Variants in SLC24A2 observed in about 807,000 individuals in gnomAD.
SLC24A2 encodes solute carrier family 24 member 2.
SLC24A2 carries 36 observed loss-of-function variants against 62.0 expected under a neutral mutation model. The ratio of observed to expected loss-of-function variants is 0.58; its 90% CI spans 0.44 to 0.77. The LOEUF (loss-of-function observed/expected upper bound fraction) is 0.77. SLC24A2 is among the 30% of genes least tolerant of loss of function. The pLI is 0.00. For missense variants in SLC24A2, 846 were observed against 817.9 expected, an observed-to-expected ratio of 1.03 and a Z score of -0.42; for synonymous variants, 358 against 294.0, an observed-to-expected ratio of 1.22 and a Z score of -2.23.
chr9:20,073,098 G>A, the SLC24A2 span, among the ~76,000 whole-genome samples: 306 of 152,242 alleles, frequency 2.0e-3, 1 homozygote, highest in African/African-American at 6.7e-3. Context: ...TATTATCTCC[G>A]TTTTTGTAGG....
chr9:20,241,505 G>C, the SLC24A2 span, among the ~76,000 whole-genome samples: 1 of 152,158 alleles, frequency 6.6e-6, no homozygotes, highest in East Asian at 1.9e-4. Flanking sequence ...CAGACTATGA[G>C]AGTATTACTT....
chr9:19,814,648 A>G, the SLC24A2 span, among the ~76,000 whole-genome samples: 123,730 of 151,608 alleles, frequency 0.82, 51,700 homozygotes, highest in Non-Finnish European at 0.92. Context: ...ATGATGAACC[A>G]GTCTTTTTTG....
the SLC24A2 span, among the ~76,000 whole-genome samples, chr9:20,240,042 G>C: frequency 6.6e-6 from 1 of 152,076 alleles, no homozygotes; most frequent in Non-Finnish European, 1.5e-5. Flanking sequence ...TTTCAGGAGA[G>C]GTGAGAGAGA....
chr9:19,664,855 C>T (rs1160549762), intron 2 of SLC24A2, among the ~76,000 whole-genome samples: 1 of 152,136 alleles, frequency 6.6e-6, no homozygotes, highest in East Asian at 1.9e-4. Context: ...AGGAAGGGTC[C>T]CTAGAGCCTT....
the SLC24A2 span, among the ~76,000 whole-genome samples, chr9:19,997,298 A>G: frequency 6.6e-6 from 1 of 152,208 alleles, no homozygotes; most frequent in South Asian, 2.1e-4. Flanking sequence ...AGAGAAAGAG[A>G]GAAATTAGAA....
intron 2 of SLC24A2, among the ~76,000 whole-genome samples, chr9:19,629,443 G>C (rs1818121455): frequency 6.6e-6 from 1 of 152,152 alleles, no homozygotes; most frequent in Non-Finnish European, 1.5e-5. Context: ...CTAGTATCTG[G>C]GAGTAGAGAA....
the SLC24A2 span, among the ~76,000 whole-genome samples, chr9:20,024,688 G>A: frequency 2.0e-5 from 3 of 152,296 alleles, no homozygotes; most frequent in East Asian, 5.8e-4. Flanking sequence ...TCACTTGTGT[G>A]TGCGTGTCCA....
the SLC24A2 span, among the ~76,000 whole-genome samples, chr9:20,227,943 G>C: frequency 6.6e-6 from 1 of 152,086 alleles, no homozygotes; most frequent in South Asian, 2.1e-4. Flanking sequence ...TTTCAGTTTA[G>C]CTTCTTGGAG....
the SLC24A2 span, among the ~76,000 whole-genome samples, chr9:20,016,772 G>C: frequency 1.3e-5 from 2 of 151,982 alleles, no homozygotes; most frequent in African/African-American, 4.8e-5. Flanking sequence ...AAAAGATAGG[G>C]GAGGATACAC....
At chr9:20,147,095 C>G in the SLC24A2 span, among the ~76,000 whole-genome samples, 1 of 152,148 alleles carries the variant, frequency 6.6e-6, no homozygotes, top group East Asian at 1.9e-4. Context: ...AAAAGTTGTC[C>G]TGGTTTACTG....
At chr9:19,841,059 T>C in the SLC24A2 span, among the ~76,000 whole-genome samples, 17 of 152,150 alleles carry the variant, frequency 1.1e-4, no homozygotes, top group Non-Finnish European at 2.1e-4. Flanking sequence ...ACCATTGGCT[T>C]AAATGAACAC....
the SLC24A2 span, among the ~76,000 whole-genome samples, chr9:19,945,913 G>A: frequency 6.6e-6 from 1 of 152,216 alleles, no homozygotes; most frequent in South Asian, 2.1e-4. Context: ...CACATCAGCT[G>A]TAGCTTTAGA....
the SLC24A2 span, among the ~76,000 whole-genome samples, chr9:19,991,627 T>C: frequency 6.6e-6 from 1 of 152,212 alleles, no homozygotes; most frequent in East Asian, 1.9e-4. Flanking sequence ...AGGACTACTG[T>C]ATTTGGTTCC....
chr9:19,528,361 T>C (rs993041394), intron 8 of SLC24A2, among the ~76,000 whole-genome samples: 1 of 152,164 alleles, frequency 6.6e-6, no homozygotes, highest in Non-Finnish European at 1.5e-5. Flanking sequence ...CAGTGCTGGC[T>C]CCTGAGATGG....
At chr9:19,833,168 A>C in the SLC24A2 span, among the ~76,000 whole-genome samples, 1 of 152,154 alleles carries the variant, frequency 6.6e-6, no homozygotes, top group Non-Finnish European at 1.5e-5. Context: ...AAAATGGGTG[A>C]TTTCTGCATT....
the SLC24A2 span, among the ~76,000 whole-genome samples, chr9:20,160,120 C>A: frequency 3.7e-3 from 555 of 151,300 alleles, 5 homozygotes; most frequent in African/African-American, 0.013. Flanking sequence ...TAATGGAAAT[C>A]ATAAGAAAGC....
At chr9:19,947,009 A>G in the SLC24A2 span, among the ~76,000 whole-genome samples, 1 of 152,224 alleles carries the variant, frequency 6.6e-6, no homozygotes, top group East Asian at 1.9e-4. Flanking sequence ...GTCAATAGCA[A>G]GCTCCCAGTA....
intron 5 of SLC24A2, among the ~76,000 whole-genome samples, chr9:19,577,568 A>C (rs1836058126): frequency 6.6e-6 from 1 of 152,214 alleles, no homozygotes; most frequent in African/African-American, 2.4e-5. Context: ...GCTGTTTCTA[A>C]ACGAGTAAGG....
the SLC24A2 span, among the ~76,000 whole-genome samples, chr9:20,098,277 G>C: frequency 0.12 from 18,764 of 152,114 alleles, 1,322 homozygotes; most frequent in African/African-American, 0.19. Flanking sequence ...AGTGCTCAAG[G>C]CAAGGAAATG....
Sources: gnomAD v4.1 joint callset for allele counts (sites outside exome capture counted in the v4.1 genomes callset) on GRCh38, gnomAD v4.1.1 for gene constraint, MANE v1.5 for transcripts, NCBI Gene and HGNC (gene_info 2026-07-23, HGNC 2026-07-21) for gene names.